Variants in TBCK observed in about 807,000 individuals in gnomAD.
TBCK encodes the protein TBC domain-containing protein kinase-like protein.
A neutral mutation model predicts 113.4 loss-of-function variants in TBCK; 99 were observed. The ratio of observed to expected loss-of-function variants is 0.87; its 90% CI spans 0.74 to 1.03. The LOEUF (loss-of-function observed/expected upper bound fraction) is 1.03. Ranked by LOEUF, TBCK falls within the 50% of genes least tolerant of loss-of-function variation. The pLI is 0.00. For missense variants in TBCK, 1,045 were observed against 1,061.3 expected (o/e 0.98, Z 0.21); for synonymous variants, 369 against 370.8 (o/e 1.00, Z 0.05).
At chr4:106,121,709 G>C (rs1413832759) in intron 23 of TBCK, among the ~76,000 whole-genome samples, 2 of 152,116 alleles carry the variant, frequency 1.3e-5, no homozygotes, top group East Asian at 1.9e-4. Flanking sequence ...TAGAACTCAG[G>C]ATTAAGAATC....
intron 25 of TBCK, among the ~76,000 whole-genome samples, chr4:106,061,129 A>G (rs975816307): frequency 6.6e-6 from 1 of 151,864 alleles, no homozygotes; most frequent in African/African-American, 2.4e-5. Context: ...TATTATATAA[A>G]TTTATTTGAT....
At chr4:106,115,365 C>T (rs1335280494) in intron 24 of TBCK, among the ~76,000 whole-genome samples, 1 of 152,068 alleles carries the variant, frequency 6.6e-6, no homozygotes, top group Admixed American at 6.5e-5. Context: ...AATACTGTCA[C>T]AAACATTTTG....
At chr4:106,232,477 A>G (rs961522800) in intron 17 of TBCK, among the ~76,000 whole-genome samples, 3 of 151,796 alleles carry the variant, frequency 2.0e-5, no homozygotes, top group African/African-American at 7.3e-5. Context: ...ATAATGGCAA[A>G]GCTAAAAATA....
chr4:106,090,603 T>C (rs1332854601), intron 25 of TBCK, among the ~76,000 whole-genome samples: 1 of 152,218 alleles, frequency 6.6e-6, no homozygotes, highest in African/African-American at 2.4e-5. Context: ...AATATAACTT[T>C]AAGTCTTTTA....
chr4:106,230,312 C>T (rs375571678), intron 19 of TBCK, 51 bp downstream of exon 19: 13 of 1,184,338 alleles, frequency 1.1e-5, no homozygotes, highest in Non-Finnish European at 1.6e-5. Context: ...CATCAGCACA[C>T]CAGTACATCA....
Position 106,235,378 on chromosome 4 carries a change from A to G in TBCK, c.1351-11T>C, listed in dbSNP as rs768323131. Reference sequence around the variant, plus strand: ...TTTATATGGATAAGCCTATGATATCAAAAAAGAAATGAAAACGTCTCAAAT... The same window carrying G: ...TTTATATGGATAAGCCTATGATATCGAAAAAGAAATGAAAACGTCTCAAAT... On this transcript the variant is annotated splice_polypyrimidine_tract_variant and intron_variant, in intron 14 of 25. Transcript: ENST00000394708. 1 of 1,567,044 alleles carries G rather than the reference A, an allele frequency of 6.4e-7. No individual in the cohort carries two copies. Among genetic ancestry groups the G allele is most frequent in the Non-Finnish European group, 8.7e-7 (1 of 1,150,358 alleles).
At chr4:106,306,237 T>C (rs917383616) in intron 2 of TBCK, among the ~76,000 whole-genome samples, 1 of 72,488 alleles carries the variant, frequency 1.4e-5, no homozygotes, top group African/African-American at 5.1e-5. Context: ...GCCTGGCTAA[T>C]TTTTTTTTTT....
At chr4:106,232,576 A>G (rs1192044826) in intron 17 of TBCK, among the ~76,000 whole-genome samples, 1 of 151,954 alleles carries the variant, frequency 6.6e-6, no homozygotes, top group Non-Finnish European at 1.5e-5. Flanking sequence ...AAGTGCTAAT[A>G]GCCATGGTAA....
At chr4:106,222,906 T>C (rs948618170) in intron 19 of TBCK, among the ~76,000 whole-genome samples, 10 of 152,096 alleles carry the variant, frequency 6.6e-5, no homozygotes, top group African/African-American at 2.4e-4. Context: ...AAGAGAAAAG[T>C]AATCTTTAGA....
intron 23 of TBCK, among the ~76,000 whole-genome samples, chr4:106,155,903 T>A (rs1291407293): frequency 1.3e-5 from 2 of 152,082 alleles, no homozygotes; most frequent in African/African-American, 4.8e-5. Context: ...ATTTAGTTCA[T>A]TTAGTGAGGT....
intron 25 of TBCK, among the ~76,000 whole-genome samples, chr4:106,080,349 A>G (rs1229296613): frequency 6.6e-6 from 1 of 152,222 alleles, no homozygotes; most frequent in Non-Finnish European, 1.5e-5. Flanking sequence ...GGAAAAGGAT[A>G]GAGAAACCAG....
chr4:106,223,341 A>C (rs1422839056), intron 19 of TBCK, among the ~76,000 whole-genome samples: 1 of 152,088 alleles, frequency 6.6e-6, no homozygotes, highest in Non-Finnish European at 1.5e-5. Context: ...TGGACTTTAG[A>C]CTTTGTATGT....
At chr4:106,212,857 C>T (rs777496277) in intron 19 of TBCK, 22 bp from the exon 20 acceptor site, 1 of 1,510,588 alleles carries the variant, frequency 6.6e-7, no homozygotes, top group Non-Finnish European at 9.2e-7. Flanking sequence ...AAGTTTGAGA[C>T]AATCATCATT....
At chr4:106,190,262 TG>T (rs1233189552) in intron 22 of TBCK, among the ~76,000 whole-genome samples, 1 of 152,204 alleles carries the variant, frequency 6.6e-6, no homozygotes, top group Non-Finnish European at 1.5e-5. Context: ...AAACCCAAAT[TG>T]TTTCCCATTT....
chr4:106,091,731 C>G (rs1001427825), intron 25 of TBCK, among the ~76,000 whole-genome samples: 8 of 152,110 alleles, frequency 5.3e-5, no homozygotes, highest in African/African-American at 1.9e-4. Flanking sequence ...AAAGAATGAG[C>G]AGTAGCAAGA....
intron 23 of TBCK, among the ~76,000 whole-genome samples, chr4:106,166,758 A>G (rs2149722691): frequency 6.6e-6 from 1 of 151,808 alleles, no homozygotes; most frequent in African/African-American, 2.4e-5. Flanking sequence ...CAGGAATGTA[A>G]TGACCATTAA....
intron 25 of TBCK, among the ~76,000 whole-genome samples, chr4:106,067,750 A>C (rs982912759): frequency 6.6e-6 from 1 of 152,128 alleles, no homozygotes; most frequent in African/African-American, 2.4e-5. Context: ...TGAATAATCT[A>C]TCTTTTCTCA....
chr4:106,060,200 T>C (rs1349621394), intron 25 of TBCK, among the ~76,000 whole-genome samples: 1 of 151,712 alleles, frequency 6.6e-6, no homozygotes. Context: ...CTGATGACAC[T>C]AAACAGATTT....
chr4:106,067,624 G>A (rs570873565), intron 25 of TBCK, among the ~76,000 whole-genome samples: 1 of 152,162 alleles, frequency 6.6e-6, no homozygotes, highest in East Asian at 1.9e-4. Context: ...TTTTATAGTT[G>A]TAGATTGTAA....
Sources: allele counts gnomAD v4.1 joint callset (sites outside exome capture counted in the v4.1 genomes callset), GRCh38; gene constraint gnomAD v4.1.1; transcripts MANE v1.5; gene names NCBI Gene and HGNC (gene_info 2026-07-23, HGNC 2026-07-21).